ABLIM1: variants seen among roughly 807,000 people sequenced by gnomAD.
ABLIM1 encodes the protein actin binding LIM protein 1.
A neutral mutation model predicts 107.0 loss-of-function variants in ABLIM1; 40 were observed. The ratio of observed to expected loss-of-function variants is 0.37; its 90% CI spans 0.29 to 0.49. The LOEUF is 0.49. Among genes scored for constraint, ABLIM1 ranks in the 20% least tolerant of loss-of-function variants. ABLIM1 has a pLI of 0.97. For missense variants in ABLIM1, 857 were observed against 1,008.5 expected, an observed-to-expected ratio of 0.85 and a Z score of 2.04; for synonymous variants, 357 against 357.3, an observed-to-expected ratio of 1.00 and a Z score of 0.01.
intron 6 of ABLIM1, among the ~76,000 whole-genome samples, chr10:114,509,265 A>C (rs777722799): frequency 2.6e-5 from 4 of 152,192 alleles, no homozygotes; most frequent in Non-Finnish European, 4.4e-5. Context: ...AAGGACTCCC[A>C]GGACGAGTCA....
At chr10:114,652,478 G>A (rs1203222172) in intron 1 of ABLIM1, among the ~76,000 whole-genome samples, 1 of 152,176 alleles carries the variant, frequency 6.6e-6, no homozygotes, top group Non-Finnish European at 1.5e-5. Context: ...AAACCATTCC[G>A]AGTGAAGACA....
At chr10:114,551,234 A>G (rs988628175) in intron 4 of ABLIM1, among the ~76,000 whole-genome samples, 3 of 152,064 alleles carry the variant, frequency 2.0e-5, no homozygotes, top group African/African-American at 7.2e-5. Flanking sequence ...CACTCAATAG[A>G]CTCCCTTTTT....
At chr10:114,717,416 T>C (rs2081694935) in intron 1 of ABLIM1, among the ~76,000 whole-genome samples, 1 of 152,190 alleles carries the variant, frequency 6.6e-6, no homozygotes, top group Non-Finnish European at 1.5e-5. Context: ...GCAGCACTTT[T>C]GACATTTGGG....
At position 114,575,436 on chromosome 10, in the gene ABLIM1, G is replaced by A. The variant is rs1439159674; in HGVS notation, c.543C>T (p.Cys181=). 5.6e-6 allele frequency: 9 copies of A among 1,613,930 alleles called. No homozygotes were observed. The highest frequency in any genetic ancestry group is 1.1e-5 in the South Asian group (1 of 91,058). ...TALGKTYHPN[C]FACTICKRPF... ...CTTACTTGCAGATAGTACAAGCAAA[G>A]CAATTGGGATGGTAGGTCTTGCCCA... Residue 181 remains cysteine (C), a synonymous_variant, in exon 3 of 23, where the codon TGC becomes TGT. Coordinates refer to ENST00000533213, the MANE Select transcript of ABLIM1 (RefSeq NM_002313.7).
At chr10:114,678,323 G>C (rs537723981) in intron 1 of ABLIM1, among the ~76,000 whole-genome samples, 1 of 152,168 alleles carries the variant, frequency 6.6e-6, no homozygotes, top group Admixed American at 6.6e-5. Flanking sequence ...TAACCTGTTG[G>C]CAAATTTATT....
At chr10:114,787,640 CGGCCGCCCCT>C in the ABLIM1 span, among the ~76,000 whole-genome samples, 6 of 142,670 alleles carry the variant, frequency 4.2e-5, no homozygotes, top group African/African-American at 1.3e-4. Context: ...TGCCTCTGCC[CGGCCGCCCCT>C]ACTGGGAAGT....
At chr10:114,741,032 CAA>C (rs1184076703) in intron 1 of ABLIM1, among the ~76,000 whole-genome samples, 4 of 131,042 alleles carry the variant, frequency 3.1e-5, no homozygotes, top group Non-Finnish European at 3.3e-5. Flanking sequence ...GATCCTGTCT[CAA>C]AAAAAAAAAA....
At chr10:114,602,199 C>T (rs1307885898) in intron 1 of ABLIM1, among the ~76,000 whole-genome samples, 1 of 152,154 alleles carries the variant, frequency 6.6e-6, no homozygotes, top group Non-Finnish European at 1.5e-5. Flanking sequence ...CTGCTGTCTT[C>T]TCCCTTCTTC....
intron 6 of ABLIM1, among the ~76,000 whole-genome samples, chr10:114,542,410 T>TAA (rs1186576100): frequency 4.0e-5 from 2 of 49,612 alleles, no homozygotes; most frequent in Admixed American, 5.0e-4. Flanking sequence ...ACCTTGTCTC[T>TAA]AAAAAAAAAA....
intron 1 of ABLIM1, among the ~76,000 whole-genome samples, chr10:114,719,027 G>A (rs1265213058): frequency 3.9e-5 from 6 of 152,060 alleles, no homozygotes; most frequent in African/African-American, 1.4e-4. Flanking sequence ...ATGTATGTAC[G>A]TTATTATATA....
intron 6 of ABLIM1, among the ~76,000 whole-genome samples, chr10:114,535,535 TC>T (rs1432490765): frequency 1.3e-5 from 2 of 152,176 alleles, no homozygotes; most frequent in Admixed American, 1.3e-4. Context: ...TGTCTTGAAC[TC>T]CTGACCTCAG....
intron 1 of ABLIM1, among the ~76,000 whole-genome samples, chr10:114,611,474 A>C (rs1485106649): frequency 6.6e-6 from 1 of 151,634 alleles, no homozygotes; most frequent in Non-Finnish European, 1.5e-5. Flanking sequence ...TGCCTAGAAA[A>C]AAAAAAAAAA....
At chr10:114,610,409 T>A (rs1372013994) in intron 1 of ABLIM1, among the ~76,000 whole-genome samples, 1 of 152,200 alleles carries the variant, frequency 6.6e-6, no homozygotes, top group African/African-American at 2.4e-5. Flanking sequence ...CCTATTCTCA[T>A]GGCAGTCTAC....
intron 6 of ABLIM1, among the ~76,000 whole-genome samples, chr10:114,505,678 A>T (rs2061026427): frequency 6.6e-6 from 1 of 152,230 alleles, no homozygotes; most frequent in Non-Finnish European, 1.5e-5. Flanking sequence ...AGTATGCAGC[A>T]AATGGCTGAT....
At chr10:114,590,519 C>T (rs2074742125) in intron 2 of ABLIM1, among the ~76,000 whole-genome samples, 1 of 152,152 alleles carries the variant, frequency 6.6e-6, no homozygotes, top group South Asian at 2.1e-4. Flanking sequence ...TTTCCTGATA[C>T]TTGATATCTA....
rs577371078 is a variant in ABLIM1 at position 114,693,706 on chromosome 10, T to C, written c.-213+74355A>G. 1.8e-4 allele frequency among the ~76,000 whole-genome samples: 28 copies of C among 152,092 alleles called. No homozygotes were observed. In the South Asian group the frequency reaches 5.6e-3, roughly 31 times the overall value. On this transcript the variant is annotated intron_variant, in intron 1 of 15. Transcript: ENST00000651092. ...CTCTGTCACTCAGGCTGGAGTGCAG[T>C]TGCATGATCATAGCTCACTGTAACC... is the stretch of plus-strand genomic sequence containing the variant.
chr10:114,541,213 C>T (rs1225639632), intron 6 of ABLIM1, among the ~76,000 whole-genome samples: 1 of 151,644 alleles, frequency 6.6e-6, no homozygotes, highest in East Asian at 1.9e-4. Context: ...CTTGCCTGCA[C>T]CTTGCTTTCA....
At chr10:114,444,163 A>AAAAAAAAAAAAC in intron 16 of ABLIM1, 29 bp from the exon 17 acceptor site, 1 of 1,517,394 alleles carries the variant, frequency 6.6e-7, no homozygotes, top group Non-Finnish European at 8.9e-7. Flanking sequence ...AAAAAAAAAA[A>AAAAAAAAAAAAC]AAAAAGAAAG....
intron 1 of ABLIM1, among the ~76,000 whole-genome samples, chr10:114,652,617 T>C (rs962951881): frequency 1.3e-5 from 2 of 152,228 alleles, no homozygotes; most frequent in African/African-American, 4.8e-5. Context: ...CTTTGGTCCC[T>C]GCTCTCCAGT....
Sources: gnomAD v4.1 joint callset for allele counts (sites outside exome capture counted in the v4.1 genomes callset) on GRCh38, gnomAD v4.1.1 for gene constraint, MANE v1.5 for transcripts, NCBI Gene and HGNC (gene_info 2026-07-23, HGNC 2026-07-21) for gene names.